Variants in OSBPL10 observed in about 807,000 individuals in gnomAD.
OSBPL10 encodes the protein oxysterol-binding protein-related protein 10.
OSBPL10 carries 49 observed loss-of-function variants against 81.7 expected under a neutral mutation model. The observed-to-expected ratio is 0.60, with a 90% CI of 0.48 to 0.76. The LOEUF (loss-of-function observed/expected upper bound fraction) is 0.76. Among genes scored for constraint, OSBPL10 ranks in the 30% least tolerant of loss-of-function variants. OSBPL10 has a pLI of 0.00. For missense variants in OSBPL10, 923 were observed against 987.8 expected (o/e 0.93, Z 0.88); for synonymous variants, 419 against 383.6 (o/e 1.09, Z -1.08).
intron 6 of OSBPL10, chr3:31,713,914 G>A (rs9825159): frequency 0.23 from 34,755 of 152,142 alleles, 5,171 homozygotes; most frequent in African/African-American, 0.42. Flanking sequence ...TGTTTTGCTC[G>A]CCGCTGTGGC....
intron 1 of OSBPL10, among the ~76,000 whole-genome samples, chr3:32,048,600 C>T (rs1460020387): frequency 1.3e-5 from 2 of 152,146 alleles, no homozygotes; most frequent in African/African-American, 4.8e-5. Context: ...AGCCACCATG[C>T]CCAGCCTCTC....
At chr3:31,805,210 A>G (rs1219378588) in intron 4 of OSBPL10, among the ~76,000 whole-genome samples, 1 of 152,174 alleles carries the variant, frequency 6.6e-6, no homozygotes, top group Non-Finnish European at 1.5e-5. Flanking sequence ...GAACCTTTAA[A>G]ACAAAATTCA....
intron 3 of OSBPL10, among the ~76,000 whole-genome samples, chr3:31,858,002 T>G (rs746719197): frequency 0.015 from 2,093 of 135,270 alleles, 22 homozygotes; most frequent in Non-Finnish European, 0.022. Flanking sequence ...AGCCTGTGTT[T>G]TTTTTTTTTT....
chr3:31,800,743 A>G (rs974582418), intron 4 of OSBPL10, among the ~76,000 whole-genome samples: 4 of 152,272 alleles, frequency 2.6e-5, no homozygotes, highest in African/African-American at 9.6e-5. Context: ...CTTATGGTAC[A>G]TACTTAAATT....
intron 1 of OSBPL10, among the ~76,000 whole-genome samples, chr3:31,964,782 C>T (rs1559534370): frequency 6.6e-6 from 1 of 152,142 alleles, no homozygotes; most frequent in Non-Finnish European, 1.5e-5. Context: ...ATTTAACTGA[C>T]TTCATGTAGC....
chr3:32,069,886 C>G (rs1291670441), intron 1 of OSBPL10, among the ~76,000 whole-genome samples: 1 of 152,216 alleles, frequency 6.6e-6, no homozygotes, highest in Non-Finnish European at 1.5e-5. Flanking sequence ...ATGCCAAAAG[C>G]CTGGCCACTG....
Position 31,863,694 on chromosome 3 carries a change from C to T in OSBPL10, c.537+12739G>A, listed in dbSNP as rs148298352. ...TTTCCCAAAAATGTGTTCCTTATGA[C>T]TATTAGTTTCCTCTCTCTTTAAAAA... On this transcript the variant is annotated intron_variant, in intron 3 of 11. Coordinates refer to ENST00000396556, the MANE Select transcript of OSBPL10 (RefSeq NM_017784.5). Among the ~76,000 whole-genome samples, 251 of 152,284 alleles carry T rather than the reference C, an allele frequency of 1.6e-3. 2 individuals are homozygous for T. Among genetic ancestry groups the T allele is most frequent in the African/African-American group, 5.9e-3 (246 of 41,572 alleles).
chr3:31,698,261 G>A (rs1369539173), intron 7 of OSBPL10, among the ~76,000 whole-genome samples: 6 of 151,564 alleles, frequency 4.0e-5, no homozygotes, highest in Admixed American at 3.3e-4. Flanking sequence ...ACCAGCCTGG[G>A]CAACATGGTG....
chr3:31,817,140 G>A (rs1277373213), intron 4 of OSBPL10, among the ~76,000 whole-genome samples: 3 of 152,172 alleles, frequency 2.0e-5, no homozygotes, highest in Admixed American at 6.5e-5. Flanking sequence ...AGCCATGGGC[G>A]GGCCTGGAAG....
upstream of OSBPL10, among the ~76,000 whole-genome samples, chr3:31,983,879 G>A (rs914249736): frequency 1.3e-5 from 2 of 152,208 alleles, no homozygotes; most frequent in African/African-American, 4.8e-5. Flanking sequence ...ATGCCCAACA[G>A]TTTCATCTTG....
At chr3:32,072,197 G>T (rs1699835142) in intron 1 of OSBPL10, among the ~76,000 whole-genome samples, 1 of 152,078 alleles carries the variant, frequency 6.6e-6, no homozygotes, top group Non-Finnish European at 1.5e-5. Flanking sequence ...CTACACAAAG[G>T]TCCTCCATCG....
At chr3:31,737,116 A>T (rs951257487) in intron 5 of OSBPL10, among the ~76,000 whole-genome samples, 41 of 152,266 alleles carry the variant, frequency 2.7e-4, no homozygotes, top group African/African-American at 8.2e-4. Context: ...CAGGACAAGG[A>T]AAGTTGGCAA....
chr3:31,881,047 A>C (rs1169096624), intron 1 of OSBPL10, among the ~76,000 whole-genome samples: 2 of 152,064 alleles, frequency 1.3e-5, no homozygotes, highest in African/African-American at 2.4e-5. Context: ...TATGGTTCCT[A>C]CCCCTTCTTG....
At chr3:31,842,637 TGA>T (rs1434166015) in intron 3 of OSBPL10, among the ~76,000 whole-genome samples, 1 of 152,204 alleles carries the variant, frequency 6.6e-6, no homozygotes, top group Non-Finnish European at 1.5e-5. Flanking sequence ...TGGTAGTACA[TGA>T]GAGTTTTTTT....
chr3:31,948,207 T>G (rs1207724631), intron 1 of OSBPL10, among the ~76,000 whole-genome samples: 1 of 152,128 alleles, frequency 6.6e-6, no homozygotes, highest in African/African-American at 2.4e-5. Context: ...ACCAGCAACA[T>G]CCACAATGGA....
chr3:31,872,452 G>GTTT (rs5847722), intron 3 of OSBPL10, among the ~76,000 whole-genome samples: 1 of 136,960 alleles, frequency 7.3e-6, no homozygotes, highest in Non-Finnish European at 1.6e-5. Context: ...TTTTGTTGTT[G>GTTT]TTTTTTTTTT....
intron 1 of OSBPL10, among the ~76,000 whole-genome samples, chr3:32,066,161 AAAGGAAGGAAGGAAGG>A (rs58902796): frequency 0.43 from 23,139 of 53,466 alleles, 9,674 homozygotes; most frequent in East Asian, 0.75. Flanking sequence ...AGAAAGGAAG[AAAGGAAGGAAGGAAGG>A]AAGGAAGGAA....
chr3:31,976,111 T>A (rs954666451), intron 1 of OSBPL10, among the ~76,000 whole-genome samples: 1 of 152,178 alleles, frequency 6.6e-6, no homozygotes, highest in Non-Finnish European at 1.5e-5. Context: ...AAGAACTCTA[T>A]GATAATTATG....
At chr3:31,741,431 A>T (rs757305160) in intron 5 of OSBPL10, among the ~76,000 whole-genome samples, 2 of 152,102 alleles carry the variant, frequency 1.3e-5, no homozygotes, top group Non-Finnish European at 2.9e-5. Flanking sequence ...CACCCAGCTA[A>T]TTTTTGTATT....
Sources: gnomAD v4.1 joint callset for allele counts (sites outside exome capture counted in the v4.1 genomes callset) on GRCh38, gnomAD v4.1.1 for gene constraint, MANE v1.5 for transcripts, NCBI Gene and HGNC (gene_info 2026-07-23, HGNC 2026-07-21) for gene names.